Variants in RYR2 observed in about 807,000 individuals in gnomAD.
RYR2 encodes the protein cardiac muscle ryanodine receptor-calcium release channel.
In RYR2, 227 loss-of-function variants were observed where a neutral mutation model predicts 601.1. That is an observed-to-expected ratio of 0.38 (90% CI 0.34 to 0.42). RYR2 has a LOEUF of 0.42. Ranked by LOEUF, RYR2 falls within the 10% of genes least tolerant of loss-of-function variation. RYR2 has a pLI of 1.00. For synonymous variants in RYR2, 2,223 were observed against 2,175.1 expected, an observed-to-expected ratio of 1.02 and a Z score of -0.61; for missense variants, 4,646 against 6,156.5, an observed-to-expected ratio of 0.75 and a Z score of 8.21.
chr1:237,568,067 A>G (rs1467219559), intron 28 of RYR2, among the ~76,000 whole-genome samples: 1 of 152,190 alleles, frequency 6.6e-6, no homozygotes, highest in African/African-American at 2.4e-5. Flanking sequence ...GATCAGATGT[A>G]ATGAACCAGA....
At chr1:237,427,101 T>C (rs1706252153) in intron 12 of RYR2, among the ~76,000 whole-genome samples, 1 of 152,056 alleles carries the variant, frequency 6.6e-6, no homozygotes, top group Non-Finnish European at 1.5e-5. Context: ...AACAAGATGA[T>C]GGAAGAGAGA....
intron 2 of RYR2, among the ~76,000 whole-genome samples, chr1:237,326,365 G>A (rs928448501): frequency 2.0e-5 from 3 of 152,046 alleles, no homozygotes; most frequent in Non-Finnish European, 2.9e-5. Flanking sequence ...TGATAAAATC[G>A]GTGTTGTCTC....
At chr1:237,571,376 G>A (rs376062997) in intron 29 of RYR2, among the ~76,000 whole-genome samples, 14 of 148,522 alleles carry the variant, frequency 9.4e-5, no homozygotes, top group African/African-American at 2.2e-4. Flanking sequence ...GTGCAATGGC[G>A]CGATCTTGAC....
At chr1:237,698,347 A>G (rs566433050) in intron 63 of RYR2, among the ~76,000 whole-genome samples, 6 of 152,206 alleles carry the variant, frequency 3.9e-5, no homozygotes, top group Non-Finnish European at 8.8e-5. Context: ...TTTCAAGAGG[A>G]GTTACTACCA....
rs890219394 is a variant in RYR2, at chr1:237,530,538, AT to A, written c.2906+29del. On this transcript the variant is annotated intron_variant, in intron 25 of 104. Coordinates refer to ENST00000366574, the MANE Select transcript of RYR2 (RefSeq NM_001035.3). ...AAGTTGAATGACTAAGCAATATTAA[AT>A]AATCTGTGTAGAGATTTAGTGCAAC... 2.0e-5 allele frequency: 30 copies of A among 1,497,056 alleles called. No homozygotes were observed. In the Admixed American group the frequency reaches 4.1e-4, roughly 21 times the overall value. The allele number at this position is 1,497,056 out of a possible 1,614,324, so 92.7% of individuals were successfully genotyped here.
In RYR2 at chr1:237,330,905, A is replaced by G. The variant is rs767517826; in HGVS notation, c.196A>G (p.Thr66Ala). 1.2e-6 allele frequency: 2 copies of G among 1,613,836 alleles called. No individual in the cohort carries two copies. The highest frequency in any genetic ancestry group is 3.3e-5 in the Admixed American group (2 of 60,002). ...KNVPPDLSIC[T>A]FVLEQSLSVR... ...TGTGCCCCCAGACCTCTCCATCTGCACCTTTGTGCTGGAGCAGTCCCTCTC... is the reference window on the plus strand; with the variant it reads ...TGTGCCCCCAGACCTCTCCATCTGCGCCTTTGTGCTGGAGCAGTCCCTCTC... Residue 66 changes from threonine to alanine, a missense_variant, in exon 3 of 105, where the codon ACC becomes GCC. By Grantham distance (58) the Thr-to-Ala change is moderately conservative. This residue lies in a region of RYR2 where 153 missense variants were observed against 203.6 expected (regional missense o/e 0.75). Transcript: ENST00000366574.
intron 2 of RYR2, among the ~76,000 whole-genome samples, chr1:237,305,633 T>C (rs1166790271): frequency 6.6e-6 from 1 of 152,182 alleles, no homozygotes; most frequent in Non-Finnish European, 1.5e-5. Flanking sequence ...GGTTTCACCA[T>C]GTTGCTTGGG....
intron 2 of RYR2, among the ~76,000 whole-genome samples, chr1:237,315,964 G>A (rs1350074401): frequency 6.6e-6 from 1 of 152,004 alleles, no homozygotes; most frequent in Non-Finnish European, 1.5e-5. Flanking sequence ...CAGGTCTAAC[G>A]TGATCTTGAG....
intron 4 of RYR2, among the ~76,000 whole-genome samples, chr1:237,360,262 G>A (rs4399145): frequency 0.38 from 57,247 of 152,022 alleles, 11,307 homozygotes; most frequent in African/African-American, 0.46. Context: ...GGCAGGCTTT[G>A]TATGTCTTCA....
chr1:237,700,115 G>T, intron 64 of RYR2, 114 bp from the exon 65 acceptor site: 1 of 681,890 alleles, frequency 1.5e-6, no homozygotes, highest in Non-Finnish European at 2.5e-6. Context: ...TTTAAAAGTT[G>T]GTTACCAGGT....
rs772404939 is a variant in RYR2, at chr1:237,805,580, C to CAAAAA, written c.14152-536_14152-532dup. Among the ~76,000 whole-genome samples the CAAAAA allele has an allele frequency of 4.8e-4, 18 of 37,664 alleles. 1 individual carries two copies. Among genetic ancestry groups the CAAAAA allele is most frequent in the South Asian group, 4.7e-3 (4 of 860 alleles). 24.7% of individuals were successfully genotyped at this position (37,664 alleles called of 152,430 possible). Reference sequence around the variant, plus strand: ...TGGGCGACAGAGCTAGACTCTGTCTCAAAAAAAAAAAAAAAAAAAAAAAAA... The same window carrying CAAAAA: ...TGGGCGACAGAGCTAGACTCTGTCTCAAAAAAAAAAAAAAAAAAAAAAAAAAAAAA... On this transcript the variant is annotated intron_variant, in intron 98 of 104. Coordinates refer to ENST00000366574, the MANE Select transcript of RYR2 (RefSeq NM_001035.3).
intron 1 of RYR2, among the ~76,000 whole-genome samples, chr1:237,221,089 C>G (rs560737382): frequency 9.1e-4 from 138 of 152,022 alleles, no homozygotes; most frequent in Non-Finnish European, 1.3e-3. Flanking sequence ...GAGTGAGATT[C>G]TGTCTCAAAA....
rs369110557 is a variant in RYR2 at position 237,732,015 on chromosome 1, G to A, written c.10936-31G>A. The A allele has an allele frequency of 6.5e-5, 92 of 1,406,678 alleles. 1 individual carries two copies. In the African/African-American group the frequency reaches 1.2e-3, roughly 18 times the overall value. The allele number at this position is 1,406,678 out of a possible 1,614,324, so 87.1% of individuals were successfully genotyped here. On this transcript the variant is annotated intron_variant, in intron 77 of 104. Coordinates refer to ENST00000366574, the MANE Select transcript of RYR2 (RefSeq NM_001035.3). ...ATTTGAGTGAACATTTTTTTTTAAT[G>A]TGACATTTTATAAATTTGACTTTTT...
At chr1:237,192,184 A>C (rs1157625877) in intron 1 of RYR2, among the ~76,000 whole-genome samples, 1 of 151,956 alleles carries the variant, frequency 6.6e-6, no homozygotes. Flanking sequence ...AGAAAAAAAA[A>C]AAAAACATTT....
intron 29 of RYR2, 50 bp downstream of exon 29, chr1:237,569,369 C>T: frequency 6.4e-7 from 1 of 1,565,948 alleles, no homozygotes; most frequent in Non-Finnish European, 8.7e-7. Context: ...CACAAGGAAG[C>T]TTTCATCCTG....
intron 27 of RYR2, among the ~76,000 whole-genome samples, chr1:237,551,570 C>T (rs185151831): frequency 6.7e-6 from 1 of 150,082 alleles, no homozygotes; most frequent in Non-Finnish European, 1.5e-5. Flanking sequence ...TAGAATGATC[C>T]ACTCTTTAAT....
At position 237,609,254 on chromosome 1, in the gene RYR2, G is replaced by T. The variant is rs565825025; in HGVS notation, c.4684-1508G>T. On this transcript the variant is annotated intron_variant, in intron 35 of 104. Transcript: ENST00000366574. ...ACTGACAGTCTCACTCTGTCACCCAGGCTAGAGTGCAGTGATGTGATCTCA... is the reference window on the plus strand; with the variant it reads ...ACTGACAGTCTCACTCTGTCACCCATGCTAGAGTGCAGTGATGTGATCTCA... 4.6e-5 allele frequency among the ~76,000 whole-genome samples: 6 copies of T among 130,110 alleles called. No homozygotes were observed. In the East Asian group the frequency reaches 9.1e-4, roughly 20 times the overall value. 85.4% of individuals were successfully genotyped at this position (130,110 alleles called of 152,430 possible). A position where few individuals can be genotyped will look rare whatever the true frequency, so the allele number is the denominator to read the frequency against.
rs151307311 is a variant in RYR2 at position 237,180,624 on chromosome 1, G to GTATATATGTATATATGTATATGTGTA, written c.49-89868_49-89867insATGTATATATGTATATGTGTATATAT. On this transcript the variant is annotated intron_variant, in intron 1 of 104. Coordinates refer to ENST00000366574, the MANE Select transcript of RYR2 (RefSeq NM_001035.3). This position sits in a 1 kb window ranked among gnomAD's most constrained non-coding sequence, Gnocchi z 5.3. ...TATATATATGTATATATGTATATAT[G>GTATATATGTATATATGTATATGTGTA]TATATGTGTATATATGTATATGTAT... Among the ~76,000 whole-genome samples, 23 of 123,184 alleles carry GTATATATGTATATATGTATATGTGTA rather than the reference G, an allele frequency of 1.9e-4. No homozygotes were observed. Among genetic ancestry groups the GTATATATGTATATATGTATATGTGTA allele is most frequent in the African/African-American group, 6.1e-4 (21 of 34,676 alleles). 80.8% of individuals were successfully genotyped at this position (123,184 alleles called of 152,430 possible).
At chr1:237,391,353 A>G (rs1167579846) in intron 10 of RYR2, among the ~76,000 whole-genome samples, 2 of 152,182 alleles carry the variant, frequency 1.3e-5, no homozygotes, top group Non-Finnish European at 2.9e-5. Context: ...GCACAGTGAC[A>G]TGAAAGCTAG....
Sources: allele counts gnomAD v4.1 joint callset (sites outside exome capture counted in the v4.1 genomes callset), GRCh38; gene constraint gnomAD v4.1.1; regional missense constraint gnomAD v4.1.1; non-coding constraint Gnocchi (gnomAD v3.1); transcripts MANE v1.5; gene names NCBI Gene and HGNC (gene_info 2026-07-23, HGNC 2026-07-21).